DLG2: variants seen among roughly 807,000 people sequenced by gnomAD.
DLG2 encodes the protein discs large MAGUK scaffold protein 2.
Under a neutral mutation model 132.5 loss-of-function variants are expected in DLG2, and 45 were observed. That is an observed-to-expected ratio of 0.34 (90% CI 0.27 to 0.44). The LOEUF (loss-of-function observed/expected upper bound fraction) is 0.44. DLG2 is among the 20% of genes least tolerant of loss of function. The pLI is 1.00. For synonymous variants in DLG2, 424 were observed against 419.6 expected, an observed-to-expected ratio of 1.01 and a Z score of -0.13; for missense variants, 1,045 against 1,196.9, an observed-to-expected ratio of 0.87 and a Z score of 1.87.
chr11:84,506,781 G>GA (rs1018388489), intron 7 of DLG2, among the ~76,000 whole-genome samples: 3 of 152,162 alleles, frequency 2.0e-5, no homozygotes, highest in African/African-American at 4.8e-5. Context: ...TGTAGTATCT[G>GA]AAAAAAAGAA....
chr11:84,714,630 TCTCTCTCTCTCTCTCTTTCTC>T, intron 6 of DLG2, among the ~76,000 whole-genome samples: 4 of 141,800 alleles, frequency 2.8e-5, no homozygotes, highest in East Asian at 2.0e-4. Context: ...TCTTTCTCTC[TCTCTCTCTCTCTCTCTTTCTC>T]TCTCTCTCTC....
At chr11:84,776,987 C>T (rs1053585293) in intron 6 of DLG2, among the ~76,000 whole-genome samples, 1 of 151,742 alleles carries the variant, frequency 6.6e-6, no homozygotes, top group Non-Finnish European at 1.5e-5. Flanking sequence ...TTAGGGTATC[C>T]ATCACTCAAA....
rs1470487631 is a variant in DLG2 at position 85,347,880 on chromosome 11, T to C, written c.41-62515A>G. On this transcript the variant is annotated intron_variant, in intron 3 of 27. Transcript: ENST00000376104. ...GTGCAGAGGTGCAATCTCGGCACATTGCAGCCTCGACCTCCTGGGTTTAAG... is the reference window on the plus strand; with the variant it reads ...GTGCAGAGGTGCAATCTCGGCACATCGCAGCCTCGACCTCCTGGGTTTAAG... Among the ~76,000 whole-genome samples the C allele has an allele frequency of 1.4e-4, 20 of 146,742 alleles. No individual in the cohort carries two copies. In the Admixed American group the frequency reaches 1.4e-3, roughly 10 times the overall value.
At chr11:85,017,823 C>T (rs374898278) in intron 6 of DLG2, among the ~76,000 whole-genome samples, 13 of 152,182 alleles carry the variant, frequency 8.5e-5, no homozygotes, top group African/African-American at 2.4e-4. Context: ...TTCCTTCTCT[C>T]TCTCCTAGGG....
At chr11:84,745,836 G>T (rs1011952876) in intron 6 of DLG2, among the ~76,000 whole-genome samples, 11 of 152,098 alleles carry the variant, frequency 7.2e-5, no homozygotes, top group African/African-American at 2.7e-4. Context: ...TAAGAAAACA[G>T]AACATGATGA....
At chr11:84,727,241 G>GACCCA (rs2062592188) in intron 6 of DLG2, among the ~76,000 whole-genome samples, 1 of 152,158 alleles carries the variant, frequency 6.6e-6, no homozygotes, top group South Asian at 2.1e-4. Flanking sequence ...TTACATTTAA[G>GACCCA]TCTTTGACCC....
At chr11:84,268,301 GCTC>G (rs1208799258) in intron 7 of DLG2, among the ~76,000 whole-genome samples, 1 of 151,914 alleles carries the variant, frequency 6.6e-6, no homozygotes, top group Non-Finnish European at 1.5e-5. Context: ...TTTAATTGCT[GCTC>G]CTAATCACAC....
chr11:83,971,659 G>A (rs998308929), intron 12 of DLG2, among the ~76,000 whole-genome samples: 1 of 152,126 alleles, frequency 6.6e-6, no homozygotes. Context: ...ACAAGGAAAT[G>A]TGGAACTCTA....
intron 9 of DLG2, among the ~76,000 whole-genome samples, chr11:84,161,346 T>C (rs895005756): frequency 6.6e-6 from 1 of 152,008 alleles, no homozygotes; most frequent in African/African-American, 2.4e-5. Context: ...GAGGTTCCAA[T>C]GGGGCTAAAG....
At chr11:84,338,491 T>A (rs2098498383) in intron 7 of DLG2, among the ~76,000 whole-genome samples, 1 of 152,194 alleles carries the variant, frequency 6.6e-6, no homozygotes. Context: ...CCTTAAAAAG[T>A]TCCTTAACAA....
intron 6 of DLG2, among the ~76,000 whole-genome samples, chr11:84,928,850 T>C (rs2047709760): frequency 4.0e-5 from 6 of 150,910 alleles, no homozygotes. Context: ...CCTGGAAGTG[T>C]ATAAAATATA....
chr11:83,574,175 G>C (rs771260523), intron 19 of DLG2, among the ~76,000 whole-genome samples: 1 of 152,080 alleles, frequency 6.6e-6, no homozygotes, highest in Non-Finnish European at 1.5e-5. Context: ...ACTGGAGTTG[G>C]AGAAAGGTGG....
At chr11:84,251,350 T>C in intron 7 of DLG2, 59 bp from the exon 8 acceptor site, 1 of 1,297,500 alleles carries the variant, frequency 7.7e-7, no homozygotes, top group Non-Finnish European at 1.1e-6. Flanking sequence ...AGACAGATTA[T>C]TTCTGTTAAC....
rs560376729 is a variant in DLG2, at chr11:84,596,941, C to T, written c.358-62210G>A. Among the ~76,000 whole-genome samples, 17 of 152,222 alleles carry T rather than the reference C, an allele frequency of 1.1e-4. No homozygotes were observed. In the South Asian group the frequency reaches 3.1e-3, roughly 28 times the overall value. On this transcript the variant is annotated intron_variant, in intron 6 of 27. Transcript: ENST00000376104. ...TAATGACAGAATGAATCTACTGTGG[C>T]CAGACTCAGTGACTCACACCTGTAA...
intron 14 of DLG2, among the ~76,000 whole-genome samples, chr11:83,942,378 T>A (rs999045628): frequency 9.8e-5 from 15 of 152,292 alleles, no homozygotes; most frequent in African/African-American, 3.6e-4. Flanking sequence ...TTTTTGTGAA[T>A]AATAAAAAAT....
intron 6 of DLG2, among the ~76,000 whole-genome samples, chr11:84,695,495 A>G (rs1677199626): frequency 6.6e-6 from 1 of 151,598 alleles, no homozygotes; most frequent in Non-Finnish European, 1.5e-5. Flanking sequence ...TACAGACAGA[A>G]CTGAAGTCAT....
chr11:84,669,928 G>A (rs1041394289), intron 6 of DLG2, among the ~76,000 whole-genome samples: 2 of 152,148 alleles, frequency 1.3e-5, no homozygotes, highest in East Asian at 3.9e-4. Context: ...TAAGACAAGA[G>A]CCTTCCTTGA....
intron 16 of DLG2, among the ~76,000 whole-genome samples, chr11:83,853,037 G>A (rs2060021003): frequency 6.6e-6 from 1 of 152,146 alleles, no homozygotes; most frequent in Non-Finnish European, 1.5e-5. Flanking sequence ...ATAAGAATGG[G>A]AAGTGATTTT....
At chr11:83,598,187 G>GA (rs150422705) in intron 19 of DLG2, among the ~76,000 whole-genome samples, 13 of 151,964 alleles carry the variant, frequency 8.6e-5, no homozygotes, top group East Asian at 5.8e-4. Context: ...TCCGAGAAGG[G>GA]AAAAAAAATG....
Sources: gnomAD v4.1 joint callset for allele counts (sites outside exome capture counted in the v4.1 genomes callset) on GRCh38, gnomAD v4.1.1 for gene constraint, MANE v1.5 for transcripts, NCBI Gene and HGNC (gene_info 2026-07-23, HGNC 2026-07-21) for gene names.